Variants in TBC1D5 observed in about 807,000 individuals in gnomAD.
TBC1D5 encodes TBC1 domain family, member 5.
A neutral mutation model predicts 100.3 loss-of-function variants in TBC1D5; 75 were observed. The observed-to-expected ratio is 0.75, with a 90% CI of 0.62 to 0.91. The LOEUF is 0.91. Ranked by LOEUF, TBC1D5 falls within the 40% of genes least tolerant of loss-of-function variation. The probability of loss-of-function intolerance (pLI) is 0.00; values close to 1 mark genes in which losing one functional copy is unlikely to be tolerated. For synonymous variants in TBC1D5, 323 were observed against 325.6 expected, an observed-to-expected ratio of 0.99 and a Z score of 0.09; for missense variants, 910 against 942.4, an observed-to-expected ratio of 0.97 and a Z score of 0.45.
intron 1 of TBC1D5, among the ~76,000 whole-genome samples, chr3:17,647,562 A>C (rs2065126146): frequency 1.3e-5 from 2 of 152,096 alleles, no homozygotes; most frequent in African/African-American, 4.8e-5. Flanking sequence ...TTTTCCAGAC[A>C]AAGGGAAGAG....
intron 2 of TBC1D5, among the ~76,000 whole-genome samples, chr3:17,557,259 A>T (rs922714317): frequency 1.3e-5 from 2 of 152,192 alleles, no homozygotes; most frequent in East Asian, 1.9e-4. Flanking sequence ...CTTTGGCTTT[A>T]TATGGCCTTT....
At chr3:17,341,242 G>A (rs766650030) in intron 13 of TBC1D5, among the ~76,000 whole-genome samples, 160 of 152,006 alleles carry the variant, frequency 1.1e-3, no homozygotes, top group Non-Finnish European at 1.9e-3. Context: ...TGTCGCCCAG[G>A]CTGGAGTGCA....
At chr3:17,381,498 C>A (rs1225969929) in intron 9 of TBC1D5, among the ~76,000 whole-genome samples, 2 of 151,944 alleles carry the variant, frequency 1.3e-5, no homozygotes, top group Non-Finnish European at 2.9e-5. Flanking sequence ...AGCAGAAAAA[C>A]AAAATCCTGG....
intron 4 of TBC1D5, among the ~76,000 whole-genome samples, chr3:17,425,435 C>T (rs1261764928): frequency 6.6e-6 from 1 of 152,080 alleles, no homozygotes; most frequent in South Asian, 2.1e-4. Context: ...GAGACCATCC[C>T]GGGCAACATG....
intron 1 of TBC1D5, among the ~76,000 whole-genome samples, chr3:17,712,746 G>A (rs1324099230): frequency 1.3e-5 from 2 of 152,112 alleles, no homozygotes; most frequent in Non-Finnish European, 2.9e-5. Context: ...AATAACCAGT[G>A]AAAAACAGTA....
intron 1 of TBC1D5, among the ~76,000 whole-genome samples, chr3:17,718,609 T>C (rs1021174492): frequency 6.6e-6 from 1 of 151,944 alleles, no homozygotes; most frequent in Non-Finnish European, 1.5e-5. Context: ...AAAAATAAAA[T>C]AAAATAATTT....
intron 13 of TBC1D5, among the ~76,000 whole-genome samples, chr3:17,356,061 A>T (rs915302899): frequency 1.3e-5 from 2 of 152,136 alleles, no homozygotes; most frequent in African/African-American, 2.4e-5. Flanking sequence ...TGCTGGTTTT[A>T]AAAAAAGTGA....
intron 18 of TBC1D5, among the ~76,000 whole-genome samples, chr3:17,212,350 G>A (rs944855307): frequency 1.3e-5 from 2 of 151,986 alleles, no homozygotes; most frequent in Non-Finnish European, 2.9e-5. Flanking sequence ...AGTGTTTGCG[G>A]TAATGCCAGC....
At chr3:17,255,404 G>A (rs1332912206) in intron 16 of TBC1D5, among the ~76,000 whole-genome samples, 1 of 152,112 alleles carries the variant, frequency 6.6e-6, no homozygotes, top group African/African-American at 2.4e-5. Flanking sequence ...GTTTCACCAC[G>A]TTGGCCAGGA....
chr3:17,287,599 G>T (rs1056757624), intron 15 of TBC1D5, among the ~76,000 whole-genome samples: 1 of 152,208 alleles, frequency 6.6e-6, no homozygotes, highest in Admixed American at 6.5e-5. Context: ...AAGATAACCT[G>T]CTCTGCCTAC....
At chr3:17,632,831 GATTTTTAT>G (rs2063607536) in intron 1 of TBC1D5, among the ~76,000 whole-genome samples, 1 of 152,028 alleles carries the variant, frequency 6.6e-6, no homozygotes, top group Non-Finnish European at 1.5e-5. Flanking sequence ...GTGTAAACAT[GATTTTTAT>G]ATGCACTGAG....
chr3:17,216,679 C>A (rs2073674250), intron 17 of TBC1D5, among the ~76,000 whole-genome samples: 1 of 152,032 alleles, frequency 6.6e-6, no homozygotes, highest in Admixed American at 6.6e-5. Context: ...TGTTTCCCAC[C>A]CACCACCAGG....
intron 1 of TBC1D5, among the ~76,000 whole-genome samples, chr3:17,637,188 A>ATTTTTT (rs1186523023): frequency 2.2e-4 from 21 of 95,484 alleles, no homozygotes; most frequent in South Asian, 3.9e-4. Flanking sequence ...TGCCCGACTA[A>ATTTTTT]TTTTTTTTTT....
At chr3:17,471,567 C>T in intron 3 of TBC1D5, among the ~76,000 whole-genome samples, 1 of 135,938 alleles carries the variant, frequency 7.4e-6, no homozygotes, top group African/African-American at 2.9e-5. Context: ...TTTAAAAAAT[C>T]AAAATAGGCA....
intron 14 of TBC1D5, among the ~76,000 whole-genome samples, chr3:17,297,791 C>G (rs932395781): frequency 4.6e-5 from 7 of 150,592 alleles, no homozygotes; most frequent in African/African-American, 1.7e-4. Context: ...GGTCCCACTA[C>G]GTTGCCCAGG....
chr3:17,374,614 A>T lies in TBC1D5; in HGVS notation c.752+15T>A. 1 of 1,610,514 alleles carries T rather than the reference A, an allele frequency of 6.2e-7. No individual in the cohort carries two copies. The highest frequency in any genetic ancestry group is 1.1e-5 in the South Asian group (1 of 90,452). On this transcript the variant is annotated intron_variant, in intron 11 of 21. Coordinates refer to ENST00000253692, the Ensembl canonical transcript of TBC1D5. ...TGGTATAAAAAAATAAAACAAAGAA[A>T]GTTTTTGTACTTACTAGGCATCATG...
At chr3:17,582,555 G>C (rs1054009637) in intron 2 of TBC1D5, among the ~76,000 whole-genome samples, 1 of 152,020 alleles carries the variant, frequency 6.6e-6, no homozygotes, top group African/African-American at 2.4e-5. Context: ...CAAAAGAACA[G>C]GGAAGCTCTG....
chr3:17,630,683 G>A (rs1020706905), intron 1 of TBC1D5, among the ~76,000 whole-genome samples: 14 of 152,170 alleles, frequency 9.2e-5, no homozygotes, highest in African/African-American at 2.6e-4. Flanking sequence ...AGAAAGAATC[G>A]TATGCCTCTC....
At chr3:17,625,934 TGA>T (rs1195658184) in intron 1 of TBC1D5, among the ~76,000 whole-genome samples, 14 of 152,150 alleles carry the variant, frequency 9.2e-5, no homozygotes, top group African/African-American at 3.1e-4. Flanking sequence ...CTATTTCACA[TGA>T]GTTTACGTAT....
Sources: allele counts gnomAD v4.1 joint callset (sites outside exome capture counted in the v4.1 genomes callset), GRCh38; gene constraint gnomAD v4.1.1; transcripts MANE v1.5; gene names NCBI Gene and HGNC (gene_info 2026-07-23, HGNC 2026-07-21).